The following ZNF385B variants were observed in gnomAD, a reference collection of about 807,000 sequenced individuals.
ZNF385B encodes zinc finger protein 385B.
A neutral mutation model predicts 39.2 loss-of-function variants in ZNF385B; 23 were observed. That is an observed-to-expected ratio of 0.59 (90% CI 0.42 to 0.83). ZNF385B has a LOEUF of 0.83. Among genes scored for constraint, ZNF385B ranks in the 40% least tolerant of loss-of-function variants. ZNF385B has a pLI of 0.00. For synonymous variants in ZNF385B, 205 were observed against 222.6 expected (o/e 0.92, Z 0.70); for missense variants, 552 against 598.9 (o/e 0.92, Z 0.82).
chr2:179,606,613 T>C (rs1688825661), intron 3 of ZNF385B, among the ~76,000 whole-genome samples: 1 of 152,142 alleles, frequency 6.6e-6, no homozygotes, highest in South Asian at 2.1e-4. Flanking sequence ...ATTTAATAGC[T>C]ACATGTCATT....
At chr2:179,652,767 G>C (rs944259498) in intron 3 of ZNF385B, among the ~76,000 whole-genome samples, 1 of 149,714 alleles carries the variant, frequency 6.7e-6, no homozygotes, top group Non-Finnish European at 1.5e-5. Flanking sequence ...GAATGACAAC[G>C]ATACATAATA....
At chr2:179,811,572 T>C (rs754651396) in intron 1 of ZNF385B, among the ~76,000 whole-genome samples, 1 of 152,134 alleles carries the variant, frequency 6.6e-6, no homozygotes, top group Non-Finnish European at 1.5e-5. Flanking sequence ...ATTCAGTAAA[T>C]GGTGCTGAGA....
chr2:179,815,295 G>T (rs1052737747), intron 1 of ZNF385B, among the ~76,000 whole-genome samples: 2 of 152,174 alleles, frequency 1.3e-5, no homozygotes, highest in African/African-American at 2.4e-5. Context: ...GTACTGGAGA[G>T]GTGCAAATAC....
chr2:179,543,307 T>G (rs2060034806), intron 4 of ZNF385B, among the ~76,000 whole-genome samples: 1 of 151,746 alleles, frequency 6.6e-6, no homozygotes, highest in Non-Finnish European at 1.5e-5. Flanking sequence ...TAAAAGAAAA[T>G]AAAATAAAGA....
intron 3 of ZNF385B, among the ~76,000 whole-genome samples, chr2:179,648,008 G>A (rs1191719341): frequency 6.6e-6 from 1 of 152,162 alleles, no homozygotes; most frequent in Non-Finnish European, 1.5e-5. Context: ...ACAGAGAAAG[G>A]TGACTGTGGC....
intron 3 of ZNF385B, among the ~76,000 whole-genome samples, chr2:179,761,761 C>T (rs796323490): frequency 0.05 from 5,512 of 110,132 alleles, 156 homozygotes; most frequent in Non-Finnish European, 0.071. Context: ...TTTTTCTTTT[C>T]TTTTTTTTTT....
intron 1 of ZNF385B, among the ~76,000 whole-genome samples, chr2:179,848,086 G>A (rs1426252180): frequency 2.6e-5 from 4 of 152,120 alleles, no homozygotes; most frequent in Non-Finnish European, 5.9e-5. Context: ...CAGCCTGGAT[G>A]TAGACTGATT....
intron 4 of ZNF385B, among the ~76,000 whole-genome samples, chr2:179,529,903 C>T (rs375592192): frequency 2.0e-5 from 3 of 152,088 alleles, no homozygotes; most frequent in East Asian, 3.9e-4. Flanking sequence ...CCAAGATAAT[C>T]TAAATAAAAT....
At chr2:179,558,821 G>A (rs567015613) in intron 3 of ZNF385B, among the ~76,000 whole-genome samples, 36 of 152,248 alleles carry the variant, frequency 2.4e-4, no homozygotes, top group African/African-American at 8.2e-4. Context: ...ACCCAGGAGC[G>A]GCAGAGATGG....
At chr2:179,684,039 T>C (rs1697738642) in intron 3 of ZNF385B, among the ~76,000 whole-genome samples, 1 of 152,202 alleles carries the variant, frequency 6.6e-6, no homozygotes, top group Non-Finnish European at 1.5e-5. Flanking sequence ...AGTTTTTTTC[T>C]CATTTCTGAA....
chr2:179,515,449 A>C (rs911271300), intron 5 of ZNF385B, among the ~76,000 whole-genome samples: 3 of 152,208 alleles, frequency 2.0e-5, no homozygotes, highest in African/African-American at 7.2e-5. Context: ...AAGATGCAGC[A>C]TGTCTTTAGG....
intron 1 of ZNF385B, among the ~76,000 whole-genome samples, chr2:179,850,182 T>C (rs1709006185): frequency 6.6e-6 from 1 of 152,188 alleles, no homozygotes; most frequent in South Asian, 2.1e-4. Context: ...CAGGAACACC[T>C]TTCTCACTTC....
intron 1 of ZNF385B, among the ~76,000 whole-genome samples, chr2:179,816,633 TG>T (rs1332697872): frequency 6.6e-6 from 1 of 152,176 alleles, no homozygotes; most frequent in Non-Finnish European, 1.5e-5. Flanking sequence ...CTATACCTAA[TG>T]GGGGCTTCCT....
intron 3 of ZNF385B, among the ~76,000 whole-genome samples, chr2:179,760,040 C>T (rs1181448929): frequency 1.4e-5 from 2 of 138,444 alleles, no homozygotes; most frequent in Non-Finnish European, 3.1e-5. Flanking sequence ...AGCTTCTACC[C>T]ATAGTAAAAA....
At chr2:179,711,645 C>A (rs1405591683) in intron 3 of ZNF385B, among the ~76,000 whole-genome samples, 3 of 152,046 alleles carry the variant, frequency 2.0e-5, no homozygotes, top group African/African-American at 7.2e-5. Flanking sequence ...CCGGCCCATC[C>A]CATGGAACAC....
chr2:179,787,749 G>T (rs1344841869), intron 1 of ZNF385B, among the ~76,000 whole-genome samples: 2 of 152,086 alleles, frequency 1.3e-5, no homozygotes, highest in African/African-American at 4.8e-5. Context: ...TTCCATTCTA[G>T]GGCTCTGACT....
At chr2:179,773,635 T>C (rs1482348960) in intron 1 of ZNF385B, among the ~76,000 whole-genome samples, 4 of 152,228 alleles carry the variant, frequency 2.6e-5, no homozygotes, top group Non-Finnish European at 5.9e-5. Context: ...TTTTACTTAT[T>C]GACTCACTCA....
At chr2:179,563,640 C>T (rs1469202194) in intron 3 of ZNF385B, among the ~76,000 whole-genome samples, 3 of 152,098 alleles carry the variant, frequency 2.0e-5, no homozygotes, top group African/African-American at 2.4e-5. Context: ...AGAAATGGTA[C>T]ATTTTTTCCA....
At position 179,769,724 on chromosome 2, in the gene ZNF385B, T is replaced by C. The variant is rs977622305; in HGVS notation, c.77A>G (p.Glu26Gly). The C allele has an allele frequency of 2.5e-6, 4 of 1,614,054 alleles. No individual in the cohort carries two copies. In the African/African-American group the frequency reaches 5.3e-5, roughly 22 times the overall value. Residue 26 changes from glutamate (E) to glycine (G), a missense_variant, in exon 3 of 10, where the codon GAA (glutamate) becomes GGA (glycine). Glu to Gly is a moderately conservative substitution (Grantham distance 98). Transcript: ENST00000410066. ...CCTGTCGTTCTTTATCCCCTTTTCT[T>C]CAAAGCCCCGTAGAAAATTTGCCAT... is the stretch of plus-strand genomic sequence containing the variant. ...MNMANFLRGF[E>G]EKGIKNDRPE...
Sources: allele counts gnomAD v4.1 joint callset (sites outside exome capture counted in the v4.1 genomes callset), GRCh38; gene constraint gnomAD v4.1.1; transcripts MANE v1.5; gene names NCBI Gene and HGNC (gene_info 2026-07-23, HGNC 2026-07-21).